The following P3H4 variants were observed in gnomAD, a reference collection of about 807,000 sequenced individuals.
P3H4 encodes the protein prolyl 3-hydroxylase family member 4 (inactive), also known as endoplasmic reticulum protein SC65.
In P3H4, 47 loss-of-function variants were observed where a neutral mutation model predicts 52.9. The ratio of observed to expected loss-of-function variants is 0.89; its 90% CI spans 0.70 to 1.13. The LOEUF is 1.13. Among genes scored for constraint, P3H4 ranks in the 50% most tolerant of loss-of-function variants. P3H4 has a pLI of 0.00. For synonymous variants in P3H4, 256 were observed against 267.9 expected (o/e 0.96, Z 0.44); for missense variants, 585 against 611.0 (o/e 0.96, Z 0.45).
At chr17:41,810,145 C>T (rs2047713438) in intron 3 of P3H4, among the ~76,000 whole-genome samples, 2 of 150,038 alleles carry the variant, frequency 1.3e-5, no homozygotes, top group African/African-American at 2.5e-5. Flanking sequence ...GGCAGAAGTC[C>T]AAACAGAGAA....
chr17:41,811,580 T>C lies in P3H4; in HGVS notation c.336A>G (p.Arg112=). 1 of 1,599,100 alleles carries C rather than the reference T, an allele frequency of 6.3e-7. No individual in the cohort carries two copies. Residue 112 remains arginine (R), a synonymous_variant, in exon 1 of 8, where the codon CGA becomes CGG. Transcript: ENST00000393928. This position sits in a 1 kb window ranked among gnomAD's most constrained non-coding sequence, Gnocchi z 4.8. ...ELRLFGRVLE[R]AACLRRCKRT... ...GCTTGCAGCGCCGCAGGCAGGCGGC[T>C]CGCTCCAGGACGCGGCCGAAGAGCC...
intron 6 of P3H4, among the ~76,000 whole-genome samples, chr17:41,805,709 G>A (rs1321254461): frequency 1.3e-5 from 2 of 152,158 alleles, no homozygotes; most frequent in Non-Finnish European, 2.9e-5. Context: ...AGCTTGAGAG[G>A]TTGCCTGACA....
intron 6 of P3H4, among the ~76,000 whole-genome samples, chr17:41,804,917 G>A (rs1363088373): frequency 1.3e-4 from 19 of 151,934 alleles, no homozygotes; most frequent in African/African-American, 4.8e-5. Context: ...AGGTTGCAGT[G>A]AGCAGAGATC....
intron 6 of P3H4, among the ~76,000 whole-genome samples, chr17:41,803,674 G>GC (rs1555613830): frequency 6.6e-6 from 1 of 152,140 alleles, no homozygotes; most frequent in Non-Finnish European, 1.5e-5. Context: ...CCCCTGCACA[G>GC]CCCCACCTTT....
rs572344951 is a variant in P3H4, at chr17:41,809,224, C to T, written c.916+482G>A. ...TCACCTGAGGTCAGGAGTTCAAGAC[C>T]AGCCTGGCCAACATGGTGAAACCCC... On this transcript the variant is annotated intron_variant, in intron 4 of 7. Transcript: ENST00000393928. Among the ~76,000 whole-genome samples, 4 of 152,192 alleles carry T rather than the reference C, an allele frequency of 2.6e-5. No homozygotes were observed. The South Asian group carries it at 6.2e-4, about 24-fold the overall frequency.
At chr17:41,807,815 T>G in intron 5 of P3H4, 44 bp downstream of exon 5, 1 of 1,578,920 alleles carries the variant, frequency 6.3e-7, no homozygotes, top group Non-Finnish European at 8.6e-7. Flanking sequence ...GTTCATTTTT[T>G]ACAAAGTGCA....
intron 6 of P3H4, among the ~76,000 whole-genome samples, chr17:41,804,829 C>G (rs2047656290): frequency 6.6e-6 from 1 of 151,908 alleles, no homozygotes; most frequent in African/African-American, 2.4e-5. Context: ...ATAAAATTGG[C>G]TGGACATGGT....
In P3H4 at chr17:41,803,471, G is replaced by A. The variant is rs146276708; in HGVS notation, c.1147-40C>T. 4,039 of 1,604,030 alleles carry A rather than the reference G, an allele frequency of 2.5e-3. 113 individuals carry two copies. In the Admixed American group the frequency reaches 0.049, roughly 19 times the overall value. On this transcript the variant is annotated intron_variant, in intron 6 of 7. Coordinates refer to ENST00000393928, the MANE Select transcript of P3H4 (RefSeq NM_006455.3). Reference sequence around the variant, plus strand: ...CGGTTGTGGGAGAAACCGGGTCACAGTACGCCCAAACCCATATGGGCTCCC... The same window carrying A: ...CGGTTGTGGGAGAAACCGGGTCACAATACGCCCAAACCCATATGGGCTCCC...
At chr17:41,810,822 T>A (rs781957074) in intron 3 of P3H4, 41 bp downstream of exon 3, 6 of 1,582,436 alleles carry the variant, frequency 3.8e-6, no homozygotes, top group Non-Finnish European at 5.2e-6. Context: ...CCGGGCCCTG[T>A]GGGTGAGAGG....
At chr17:41,803,180 C>T (rs1439033612) in intron 7 of P3H4, 107 bp downstream of exon 7, 13 of 1,502,598 alleles carry the variant, frequency 8.7e-6, no homozygotes, top group Non-Finnish European at 1.2e-5. Context: ...GGATGGGCCC[C>T]AGCACCCACA....
chr17:41,804,435 G>A (rs1230253944), intron 6 of P3H4, among the ~76,000 whole-genome samples: 1 of 152,004 alleles, frequency 6.6e-6, no homozygotes, highest in Non-Finnish European at 1.5e-5. Flanking sequence ...AGACCAGCCT[G>A]GTCAACATGG....
intron 3 of P3H4, 67 bp downstream of exon 3, chr17:41,810,796 G>A: frequency 2.6e-6 from 4 of 1,539,226 alleles, no homozygotes; most frequent in Non-Finnish European, 3.5e-6. Flanking sequence ...CGTGCATGAA[G>A]GGGACATCTG....
At chr17:41,804,523 G>C (rs1234756709) in intron 6 of P3H4, among the ~76,000 whole-genome samples, 1 of 152,050 alleles carries the variant, frequency 6.6e-6, no homozygotes, top group Admixed American at 6.5e-5. Flanking sequence ...AGCTACTCAG[G>C]AGGCTGAGGC....
At chr17:41,807,715 G>A in intron 5 of P3H4, 144 bp downstream of exon 5, 1 of 1,028,262 alleles carries the variant, frequency 9.7e-7, no homozygotes, top group Non-Finnish European at 1.4e-6. Flanking sequence ...AGCCAGGATG[G>A]TCCTGATCTC....
At chr17:41,809,084 A>G (rs1045792533) in intron 4 of P3H4, among the ~76,000 whole-genome samples, 2 of 152,200 alleles carry the variant, frequency 1.3e-5, no homozygotes, top group Admixed American at 6.5e-5. Flanking sequence ...TGCCAGCTGC[A>G]TGGTGTTGGT....
chr17:41,803,216 G>A (rs984634125), intron 7 of P3H4, 71 bp downstream of exon 7: 19 of 1,551,992 alleles, frequency 1.2e-5, no homozygotes, highest in African/African-American at 1.1e-4. Flanking sequence ...GGAGCCCAGC[G>A]GGTGAATGCA....
chr17:41,806,815 T>A lies in P3H4; in HGVS notation c.1127A>T (p.Tyr376Phe), dbSNP rs1555614256. 3 of 1,613,674 alleles carry A rather than the reference T, an allele frequency of 1.9e-6. No homozygotes were observed. Among genetic ancestry groups the A allele is most frequent in the South Asian group, 1.1e-5 (1 of 90,968 alleles). ...LRELLEFTHM[Y>F]LQSDDEMELE... is the part of the protein sequence containing the mutation. The stretch of plus-strand genomic sequence containing the variant: ...ACTCACCTCATCATCTGACTGCAGG[T>A]ACATGTGGGTGAACTCCAGCAGCTC... Residue 376 changes from tyrosine (Y) to phenylalanine (F), a missense_variant, in exon 6 of 8, where the codon TAC becomes TTC. Physicochemically the swap from Tyr to Phe is conservative, Grantham distance 22 (BLOSUM62 3). Coordinates refer to ENST00000393928, the MANE Select transcript of P3H4 (RefSeq NM_006455.3).
At chr17:41,806,362 A>C (rs2047674355) in intron 6 of P3H4, among the ~76,000 whole-genome samples, 2 of 152,234 alleles carry the variant, frequency 1.3e-5, no homozygotes, top group South Asian at 2.1e-4. Context: ...GTGGGAGAAC[A>C]GGGAATAATG....
Position 41,811,553 on chromosome 17 carries a change from C to T in P3H4, c.363G>A (p.Arg121=), listed in dbSNP as rs2144033982. 12 of 1,608,758 alleles carry T rather than the reference C, an allele frequency of 7.5e-6. No homozygotes were observed. The highest frequency in any genetic ancestry group is 1.0e-5 in the Non-Finnish European group (12 of 1,178,510). ...AGGGCACCTGGAAGGCGGGCAGCGT[C>T]CGCTTGCAGCGCCGCAGGCAGGCGG... ...ERAACLRRCK[R]TLPAFQVPYP... Residue 121 remains arginine (R), a synonymous_variant, in exon 1 of 8, where the codon CGG becomes CGA. Transcript: ENST00000393928. The surrounding 1 kb of genome is among the most constrained non-coding windows in gnomAD (Gnocchi z 4.8).
Sources: allele counts gnomAD v4.1 joint callset (sites outside exome capture counted in the v4.1 genomes callset), GRCh38; gene constraint gnomAD v4.1.1; non-coding constraint Gnocchi (gnomAD v3.1); transcripts MANE v1.5; gene names NCBI Gene and HGNC (gene_info 2026-07-23, HGNC 2026-07-21).